The following TRPM6 variants were observed in gnomAD, a reference collection of about 807,000 sequenced individuals.
TRPM6 encodes transient receptor potential cation channel subfamily M member 6.
Under a neutral mutation model 247.6 loss-of-function variants are expected in TRPM6, and 111 were observed. The observed-to-expected ratio is 0.45, with a 90% CI of 0.38 to 0.52. The LOEUF (loss-of-function observed/expected upper bound fraction) is 0.52. TRPM6 is among the 20% of genes least tolerant of loss of function. The pLI, the probability that TRPM6 is intolerant of heterozygous loss-of-function variation, is 0.00. For missense variants in TRPM6, 2,126 were observed against 2,421.5 expected (o/e 0.88, Z 2.56); for synonymous variants, 892 against 853.8 (o/e 1.04, Z -0.78).
chr9:74,842,077 C>T lies in TRPM6; in HGVS notation c.330+89G>A, dbSNP rs1829956037. The T allele has an allele frequency of 2.7e-6, 4 of 1,481,682 alleles. No individual in the cohort carries two copies. In the African/African-American group the frequency reaches 4.2e-5, roughly 16 times the overall value. The allele number at this position is 1,481,682 out of a possible 1,614,324, so 91.8% of individuals were successfully genotyped here. On this transcript the variant is annotated intron_variant, in intron 4 of 38. Coordinates refer to ENST00000360774, the MANE Select transcript of TRPM6 (RefSeq NM_017662.5). Reference sequence around the variant, plus strand: ...AGTGCGCCGAGATCGTGCCATTGCACTCCAGCCTGGGCAACAAGAGCAAAA... The same window carrying T: ...AGTGCGCCGAGATCGTGCCATTGCATTCCAGCCTGGGCAACAAGAGCAAAA...
At chr9:74,885,524 T>C (rs1425400420) in intron 1 of TRPM6, among the ~76,000 whole-genome samples, 2 of 152,108 alleles carry the variant, frequency 1.3e-5, no homozygotes, top group African/African-American at 4.8e-5. Flanking sequence ...TTCTGAACAA[T>C]GAGAACGTAA....
intron 21 of TRPM6, among the ~76,000 whole-genome samples, chr9:74,785,558 T>G (rs1430249041): frequency 6.6e-6 from 1 of 152,162 alleles, no homozygotes; most frequent in East Asian, 1.9e-4. Context: ...AGTCTCGCTC[T>G]GTCGCTCAAG....
chr9:74,863,717 G>A (rs1830758007), intron 1 of TRPM6, among the ~76,000 whole-genome samples: 1 of 151,918 alleles, frequency 6.6e-6, no homozygotes, highest in South Asian at 2.1e-4. Context: ...TGAGTAGCTG[G>A]GACTACAGGC....
intron 13 of TRPM6, among the ~76,000 whole-genome samples, chr9:74,810,171 A>G (rs1009444413): frequency 6.6e-6 from 1 of 152,124 alleles, no homozygotes; most frequent in African/African-American, 2.4e-5. Context: ...CCCAATTTTC[A>G]GGGGATGTGG....
At chr9:74,881,394 C>A (rs1273014938) in intron 1 of TRPM6, among the ~76,000 whole-genome samples, 3 of 151,770 alleles carry the variant, frequency 2.0e-5, no homozygotes, top group African/African-American at 7.3e-5. Flanking sequence ...GAAAGTATAA[C>A]AATTCTAAAC....
At chr9:74,859,430 C>T (rs1208545147) in intron 1 of TRPM6, among the ~76,000 whole-genome samples, 1 of 152,188 alleles carries the variant, frequency 6.6e-6, no homozygotes, top group Non-Finnish European at 1.5e-5. Context: ...ATCCCAGCTA[C>T]TTGTGAGTAG....
intron 1 of TRPM6, among the ~76,000 whole-genome samples, chr9:74,869,489 G>A (rs920486587): frequency 7.3e-5 from 11 of 150,924 alleles, no homozygotes; most frequent in African/African-American, 2.2e-4. Context: ...ATAAATGGAC[G>A]ATATAAAGCA....
chr9:74,742,508 G>C, intron 33 of TRPM6, 53 bp downstream of exon 33: 1 of 1,554,316 alleles, frequency 6.4e-7, no homozygotes, highest in Middle Eastern at 1.7e-4. Context: ...GATTCACTCA[G>C]ATTTTATGCC....
At chr9:74,796,591 G>A (rs1828107607) in intron 18 of TRPM6, 150 bp downstream of exon 18, 2 of 724,622 alleles carry the variant, frequency 2.8e-6, no homozygotes, top group East Asian at 2.6e-5. Flanking sequence ...TTAAAATAAT[G>A]TACCCCAGGA....
chr9:74,852,018 G>C (rs1166439587), intron 3 of TRPM6, among the ~76,000 whole-genome samples: 2 of 151,522 alleles, frequency 1.3e-5, no homozygotes, highest in Non-Finnish European at 2.9e-5. Context: ...CCAGGAGGGG[G>C]GTAGCTACTC....
At position 74,762,525 on chromosome 9, in the gene TRPM6, C is replaced by T. The variant is rs773780106; in HGVS notation, c.4146G>A (p.Glu1382=). The T allele has an allele frequency of 6.2e-7, 1 of 1,614,188 alleles. No homozygotes were observed. The highest frequency in any genetic ancestry group is 1.7e-5 in the Admixed American group (1 of 60,022). Residue 1382 remains glutamate (E), a synonymous_variant, in exon 26 of 39, where the codon GAG becomes GAA. Transcript: ENST00000360774. ...TCTGCCCAGTCAGATGAACAAGAAC[C>T]TCAGTCTGGATGTCCTGTTCAGTTG... is the stretch of plus-strand genomic sequence containing the variant. ...VLATEQDIQT[E]VLVHLTGQTP...
chr9:74,831,761 A>G (rs1420254448), intron 6 of TRPM6, among the ~76,000 whole-genome samples: 1 of 152,226 alleles, frequency 6.6e-6, no homozygotes. Flanking sequence ...TTATGAGTTA[A>G]GAAAACTCAT....
intron 23 of TRPM6, among the ~76,000 whole-genome samples, chr9:74,781,536 C>CAAA (rs35938872): frequency 0.12 from 10,924 of 93,316 alleles, 820 homozygotes; most frequent in South Asian, 0.19. Context: ...GACTCTATCT[C>CAAA]AAAAAAAAAA....
intron 3 of TRPM6, among the ~76,000 whole-genome samples, chr9:74,854,418 A>C (rs983367617): frequency 1.3e-5 from 2 of 152,188 alleles, no homozygotes; most frequent in African/African-American, 2.4e-5. Flanking sequence ...TATTAGGTTT[A>C]TGCAAAATTA....
chr9:74,827,645 G>T, intron 7 of TRPM6, 133 bp downstream of exon 7: 1 of 878,650 alleles, frequency 1.1e-6, no homozygotes, highest in South Asian at 1.3e-5. Context: ...TGTGGGAAGG[G>T]GGGTGGCTGA....
intron 2 of TRPM6, among the ~76,000 whole-genome samples, chr9:74,857,476 G>A (rs1830562170): frequency 6.6e-6 from 1 of 151,976 alleles, no homozygotes; most frequent in Non-Finnish European, 1.5e-5. Flanking sequence ...TTTTTCCAAG[G>A]GCAATGTCAA....
intron 17 of TRPM6, among the ~76,000 whole-genome samples, chr9:74,798,501 C>T (rs749811725): frequency 2.6e-5 from 4 of 152,194 alleles, no homozygotes; most frequent in Non-Finnish European, 5.9e-5. Flanking sequence ...TGAAGAGGCC[C>T]CACATTCTAT....
intron 1 of TRPM6, 128 bp downstream of exon 1, chr9:74,887,696 T>C: frequency 1.2e-6 from 2 of 1,609,604 alleles, no homozygotes; most frequent in Non-Finnish European, 1.7e-6. Flanking sequence ...TCATAAATCC[T>C]AGCTATTCTA....
At chr9:74,797,356 A>T (rs982872316) in intron 17 of TRPM6, among the ~76,000 whole-genome samples, 1 of 152,208 alleles carries the variant, frequency 6.6e-6, no homozygotes, top group Non-Finnish European at 1.5e-5. Flanking sequence ...GACCCCAAGG[A>T]TACCAAAATC....
Sources: gnomAD v4.1 joint callset for allele counts (sites outside exome capture counted in the v4.1 genomes callset) on GRCh38, gnomAD v4.1.1 for gene constraint, MANE v1.5 for transcripts, NCBI Gene and HGNC (gene_info 2026-07-23, HGNC 2026-07-21) for gene names.